FBXL7: variants seen among roughly 807,000 people sequenced by gnomAD.
FBXL7 encodes F-box/LRR-repeat protein 7.
Under a neutral mutation model 38.3 loss-of-function variants are expected in FBXL7, and 12 were observed. The observed-to-expected ratio is 0.31, with a 90% CI of 0.20 to 0.51. The LOEUF (loss-of-function observed/expected upper bound fraction) is 0.51, where lower values mean the gene tolerates loss of function less well. Ranked by LOEUF, FBXL7 falls within the 20% of genes least tolerant of loss-of-function variation. The pLI is 0.98. For missense variants in FBXL7, 567 were observed against 676.4 expected, an observed-to-expected ratio of 0.84 and a Z score of 1.79; for synonymous variants, 297 against 300.9, an observed-to-expected ratio of 0.99 and a Z score of 0.13.
At chr5:15,574,451 T>C (rs1322520063) in intron 1 of FBXL7, among the ~76,000 whole-genome samples, 2 of 152,252 alleles carry the variant, frequency 1.3e-5, no homozygotes, top group Admixed American at 1.3e-4. Flanking sequence ...TTCATTATTT[T>C]ATGTAGAAAT....
intron 2 of FBXL7, among the ~76,000 whole-genome samples, chr5:15,734,489 G>A (rs936589804): frequency 3.9e-5 from 6 of 152,228 alleles, no homozygotes; most frequent in Non-Finnish European, 5.9e-5. Context: ...AGTGGTTGTT[G>A]TAAGTATCAA....
intron 1 of FBXL7, among the ~76,000 whole-genome samples, chr5:15,541,685 C>T (rs558887927): frequency 6.6e-6 from 1 of 150,814 alleles, no homozygotes; most frequent in Non-Finnish European, 1.5e-5. Context: ...GCTGGGATTA[C>T]AGGCGCCCGC....
chr5:15,611,603 C>A (rs528159034), intron 1 of FBXL7, among the ~76,000 whole-genome samples: 1 of 151,220 alleles, frequency 6.6e-6, no homozygotes, highest in Admixed American at 6.6e-5. Context: ...TCTCAGGAAC[C>A]TAACTCTGTT....
chr5:15,924,658 GA>G (rs1741835433), intron 2 of FBXL7, among the ~76,000 whole-genome samples: 1 of 130,930 alleles, frequency 7.6e-6, no homozygotes. Context: ...TTTTTTGACA[GA>G]GTTTCACTGT....
chr5:15,523,374 C>T lies in FBXL7; in HGVS notation c.37+22661C>T, dbSNP rs182415228. Among the ~76,000 whole-genome samples the T allele has an allele frequency of 6.7e-3, 1,013 of 151,792 alleles. 20 individuals are homozygous for T. The highest frequency in any genetic ancestry group is 0.023 in the African/African-American group (958 of 41,350). On this transcript the variant is annotated intron_variant, in intron 1 of 3. Transcript: ENST00000504595. ...GAGATCGAGACCATCCTGGCTAACA[C>T]GGTGAAACCCCGTCTCTACTAAAAA... is the stretch of plus-strand genomic sequence containing the variant.
chr5:15,574,399 G>A (rs1417862718), intron 1 of FBXL7, among the ~76,000 whole-genome samples: 1 of 152,130 alleles, frequency 6.6e-6, no homozygotes, highest in Non-Finnish European at 1.5e-5. Flanking sequence ...ATATTTTTTA[G>A]GATGAAATAA....
chr5:15,791,476 G>A (rs257740), intron 2 of FBXL7, among the ~76,000 whole-genome samples: 81,336 of 151,966 alleles, frequency 0.54, 23,137 homozygotes, highest in Non-Finnish European at 0.64. Flanking sequence ...TTCATGCTTC[G>A]GGTGCCACCT....
rs73058361 is a variant in FBXL7, at chr5:15,672,107, T to C, written c.127+56035T>C. ...ATGACTATACTCTGGGTTGTGTCAA[T>C]GAAAGGAGCCTCTGCTTTATTTTGC... On this transcript the variant is annotated intron_variant, in intron 2 of 3. Transcript: ENST00000504595. Among the ~76,000 whole-genome samples, 723 of 152,282 alleles carry C rather than the reference T, an allele frequency of 4.7e-3. 8 individuals carry two copies. The highest frequency in any genetic ancestry group is 0.016 in the African/African-American group (678 of 41,538).
chr5:15,501,088 C>T (rs947940090), intron 1 of FBXL7, among the ~76,000 whole-genome samples: 4 of 152,138 alleles, frequency 2.6e-5, no homozygotes, highest in Admixed American at 6.5e-5. Flanking sequence ...AAAACTTTCC[C>T]GGGCCTTTGT....
intron 2 of FBXL7, among the ~76,000 whole-genome samples, chr5:15,745,065 A>C (rs1561109414): frequency 6.6e-6 from 1 of 152,316 alleles, no homozygotes; most frequent in Admixed American, 6.5e-5. Context: ...AACTATATCA[A>C]GTTTGCTGAA....
At chr5:15,605,441 T>C (rs902371228) in intron 1 of FBXL7, among the ~76,000 whole-genome samples, 2 of 152,130 alleles carry the variant, frequency 1.3e-5, no homozygotes, top group Non-Finnish European at 2.9e-5. Flanking sequence ...ACAATGTGGG[T>C]GAACCTTGAA....
At chr5:15,913,469 T>C (rs894365677) in intron 2 of FBXL7, among the ~76,000 whole-genome samples, 33 of 152,218 alleles carry the variant, frequency 2.2e-4, no homozygotes, top group Admixed American at 2.0e-3. Context: ...GTAAGTTTAG[T>C]GGAGATTTCT....
At chr5:15,766,273 C>T (rs1389013013) in intron 2 of FBXL7, among the ~76,000 whole-genome samples, 1 of 152,148 alleles carries the variant, frequency 6.6e-6, no homozygotes, top group Middle Eastern at 3.2e-3. Context: ...CTCTGTATTT[C>T]CAGTATGTCT....
chr5:15,707,933 G>A (rs1010197787), intron 2 of FBXL7, among the ~76,000 whole-genome samples: 2 of 152,054 alleles, frequency 1.3e-5, no homozygotes, highest in Non-Finnish European at 1.5e-5. Context: ...CTTTTGTCTG[G>A]ACTCTTCTCC....
chr5:15,570,389 T>C (rs1371156400), intron 1 of FBXL7, among the ~76,000 whole-genome samples: 1 of 152,216 alleles, frequency 6.6e-6, no homozygotes, highest in East Asian at 1.9e-4. Flanking sequence ...GAGGTGTTTA[T>C]AGTATTCTCT....
intron 1 of FBXL7, among the ~76,000 whole-genome samples, chr5:15,531,991 A>G (rs1580354869): frequency 3.3e-5 from 5 of 152,362 alleles, no homozygotes; most frequent in Admixed American, 6.5e-5. Flanking sequence ...CAGCTATAAA[A>G]TGGAGGTAAT....
At chr5:15,827,447 T>C (rs1738346457) in intron 2 of FBXL7, among the ~76,000 whole-genome samples, 1 of 152,200 alleles carries the variant, frequency 6.6e-6, no homozygotes, top group Non-Finnish European at 1.5e-5. Flanking sequence ...ACTTTGTTCT[T>C]CTATAACAGA....
intron 2 of FBXL7, among the ~76,000 whole-genome samples, chr5:15,645,619 C>T (rs1181517122): frequency 2.6e-5 from 4 of 152,182 alleles, no homozygotes; most frequent in African/African-American, 9.7e-5. Flanking sequence ...GGGCACATGT[C>T]CTCAACCTAG....
intron 1 of FBXL7, among the ~76,000 whole-genome samples, chr5:15,543,671 G>C (rs1737820249): frequency 6.6e-6 from 1 of 152,150 alleles, no homozygotes; most frequent in South Asian, 2.1e-4. Flanking sequence ...GACAAGTCAG[G>C]GTCTGGTTAT....
Sources: allele counts gnomAD v4.1 joint callset (sites outside exome capture counted in the v4.1 genomes callset), GRCh38; gene constraint gnomAD v4.1.1; transcripts MANE v1.5; gene names NCBI Gene and HGNC (gene_info 2026-07-23, HGNC 2026-07-21).